The following SASH1 variants were observed in gnomAD, a reference collection of about 807,000 sequenced individuals.
SASH1 encodes the protein SAM and SH3 domain containing 1.
A neutral mutation model predicts 125.2 loss-of-function variants in SASH1; 44 were observed. The ratio of observed to expected loss-of-function variants is 0.35; its 90% CI spans 0.28 to 0.45. The LOEUF is 0.45. SASH1 is among the 20% of genes least tolerant of loss of function. SASH1 has a pLI of 1.00. For synonymous variants in SASH1, 639 were observed against 649.1 expected (o/e 0.98, Z 0.24); for missense variants, 1,426 against 1,614.5 (o/e 0.88, Z 2.00).
At chr6:148,500,906 T>C (rs1272934463) in intron 8 of SASH1, among the ~76,000 whole-genome samples, 1 of 152,224 alleles carries the variant, frequency 6.6e-6, no homozygotes, top group East Asian at 1.9e-4. Flanking sequence ...GTTTTGCCAA[T>C]TGGATGACCA....
chr6:148,246,134 GTC>G, the SASH1 span, among the ~76,000 whole-genome samples: 1 of 151,186 alleles, frequency 6.6e-6, no homozygotes, highest in African/African-American at 2.4e-5. Flanking sequence ...CTCTCTCCCT[GTC>G]TCTCTCTCCT....
the SASH1 span, among the ~76,000 whole-genome samples, chr6:148,231,625 T>TAAAATGTTG: frequency 6.6e-6 from 1 of 152,220 alleles, no homozygotes; most frequent in African/African-American, 2.4e-5. Flanking sequence ...TTCACAGGCT[T>TAAAATGTTG]AAAATGTTGC....
At chr6:148,201,274 A>G in the SASH1 span, among the ~76,000 whole-genome samples, 1 of 152,234 alleles carries the variant, frequency 6.6e-6, no homozygotes, top group African/African-American at 2.4e-5. Flanking sequence ...TTTTGTCTGC[A>G]TAATGCCCCT....
intron 1 of SASH1, among the ~76,000 whole-genome samples, chr6:148,378,586 C>T (rs541795392): frequency 7.9e-5 from 12 of 152,312 alleles, no homozygotes; most frequent in African/African-American, 2.9e-4. Context: ...TCTCAAACTC[C>T]TGGGCTCAAG....
In SASH1 at chr6:148,531,580, G is replaced by A. The variant is rs771046081; in HGVS notation, c.1483G>A (p.Glu495Lys). The change falls in exon 13 of 20, where the codon GAA (glutamate) becomes AAA (lysine). Residue 495 changes from glutamate (E) to lysine (K), a missense_variant. Around this residue, in one of 3 missense-constraint regions of SASH1, gnomAD observed 225 missense variants for 344.5 expected, o/e 0.65. Coordinates refer to ENST00000367467, the MANE Select transcript of SASH1 (RefSeq NM_015278.5). The stretch of plus-strand genomic sequence containing the variant: ...CCCTCCGCCTTCACAGCCCGACCCC[G>A]AACACTTGGACAAGCCCAAGCTCAA... Reference protein sequence around the residue: ...GSPPPSQPDPEHLDKPKLKAG... With the variant: ...GSPPPSQPDPKHLDKPKLKAG... 24 of 1,576,478 alleles carry A rather than the reference G, an allele frequency of 1.5e-5. No individual in the cohort carries two copies. Among genetic ancestry groups the A allele is most frequent in the Middle Eastern group, 1.7e-4 (1 of 5,964 alleles).
At chr6:148,235,183 G>A in the SASH1 span, among the ~76,000 whole-genome samples, 96 of 152,282 alleles carry the variant, frequency 6.3e-4, no homozygotes, top group African/African-American at 2.0e-3. Context: ...TGCAAAGAAC[G>A]TAAGTGTTAA....
chr6:148,498,238 A>C (rs75698080), intron 8 of SASH1, among the ~76,000 whole-genome samples: 1,783 of 104,368 alleles, frequency 0.017, 21 homozygotes, highest in Middle Eastern at 0.039. Flanking sequence ...AACAAACAAA[A>C]AAAAAAAAAC....
chr6:148,279,444 G>C (rs1779277254), intron 1 of SASH1, among the ~76,000 whole-genome samples: 1 of 152,174 alleles, frequency 6.6e-6, no homozygotes, highest in Admixed American at 6.5e-5. Flanking sequence ...TTGAATAAAT[G>C]TTCAATCACT....
At chr6:148,273,424 G>C (rs1437841672) in intron 1 of SASH1, among the ~76,000 whole-genome samples, 1 of 151,082 alleles carries the variant, frequency 6.6e-6, no homozygotes, top group Non-Finnish European at 1.5e-5. Context: ...CTCCTGAGTA[G>C]CTGGGATTAC....
the SASH1 span, among the ~76,000 whole-genome samples, chr6:148,266,035 C>T: frequency 6.6e-6 from 1 of 151,578 alleles, no homozygotes; most frequent in East Asian, 1.9e-4. Context: ...TGCAATGGCA[C>T]AATCTCAGCT....
chr6:148,474,300 G>A, intron 7 of SASH1, 78 bp downstream of exon 7: 1 of 797,678 alleles, frequency 1.3e-6, no homozygotes, highest in South Asian at 1.6e-5. Flanking sequence ...GCCAACAAGG[G>A]GTATAGGAAT....
At chr6:148,463,805 T>C (rs1333320868) in intron 4 of SASH1, among the ~76,000 whole-genome samples, 1 of 152,198 alleles carries the variant, frequency 6.6e-6, no homozygotes, top group Non-Finnish European at 1.5e-5. Context: ...CCTGCCCAGC[T>C]TTCCCCATCT....
chr6:148,387,515 CCTT>C (rs1216691208), intron 1 of SASH1, among the ~76,000 whole-genome samples: 2 of 141,046 alleles, frequency 1.4e-5, no homozygotes, highest in East Asian at 2.0e-4. Context: ...CTTTCTTTTT[CCTT>C]CTTTCTTTCT....
the SASH1 span, among the ~76,000 whole-genome samples, chr6:148,211,681 G>A: frequency 3.3e-5 from 5 of 152,156 alleles, no homozygotes; most frequent in East Asian, 9.7e-4. Context: ...AAAGTAACAT[G>A]CCCAAGTTCA....
rs1038259709 is a variant in SASH1 at position 148,519,039 on chromosome 6, C to G, written c.863-508C>G. On this transcript the variant is annotated intron_variant, in intron 9 of 19. Transcript: ENST00000367467. This position sits in a 1 kb window ranked among gnomAD's most constrained non-coding sequence, Gnocchi z 4.8. ...CAACGCTTTATAGTGTTTCTCCCCA[C>G]CAAAACTTCCTTGGAGATTTAGTCA... is the stretch of plus-strand genomic sequence containing the variant. 6.6e-6 allele frequency among the ~76,000 whole-genome samples: 1 copy of G among 152,190 alleles called. No individual in the cohort carries two copies. Among genetic ancestry groups the G allele is most frequent in the East Asian group, 1.9e-4 (1 of 5,198 alleles).
At chr6:148,407,379 C>T (rs559508706) in intron 2 of SASH1, among the ~76,000 whole-genome samples, 15 of 152,250 alleles carry the variant, frequency 9.9e-5, no homozygotes, top group Non-Finnish European at 1.2e-4. Context: ...ATGCCCTCAG[C>T]GTTCATCTGT....
chr6:148,483,277 A>G (rs1778708181), intron 7 of SASH1, among the ~76,000 whole-genome samples: 1 of 152,020 alleles, frequency 6.6e-6, no homozygotes, highest in Non-Finnish European at 1.5e-5. Context: ...CTCTTTTATA[A>G]CAGCTGCTAT....
intron 1 of SASH1, among the ~76,000 whole-genome samples, chr6:148,289,901 T>A (rs1779583702): frequency 7.5e-6 from 1 of 133,714 alleles, no homozygotes; most frequent in Non-Finnish European, 1.6e-5. Flanking sequence ...AGAGTCTCAC[T>A]CTGTAGCCCA....
chr6:148,423,732 C>T (rs2114953487), intron 2 of SASH1, among the ~76,000 whole-genome samples: 1 of 152,202 alleles, frequency 6.6e-6, no homozygotes. Context: ...ACTGCCAGTA[C>T]CCAGCACGTC....
Sources: gnomAD v4.1 joint callset for allele counts (sites outside exome capture counted in the v4.1 genomes callset) on GRCh38, gnomAD v4.1.1 for gene constraint, gnomAD v4.1.1 regional missense constraint, Gnocchi (gnomAD v3.1) non-coding constraint, MANE v1.5 for transcripts, NCBI Gene and HGNC (gene_info 2026-07-23, HGNC 2026-07-21) for gene names.